Variants in SULF1 observed in about 807,000 individuals in gnomAD.
The protein encoded by SULF1 is extracellular sulfatase Sulf-1.
A neutral mutation model predicts 110.5 loss-of-function variants in SULF1; 46 were observed. That is an observed-to-expected ratio of 0.42 (90% CI 0.33 to 0.53). SULF1 has a LOEUF of 0.53. SULF1 is among the 20% of genes least tolerant of loss of function. SULF1 has a pLI of 0.12. For synonymous variants in SULF1, 371 were observed against 387.1 expected, an observed-to-expected ratio of 0.96 and a Z score of 0.49; for missense variants, 941 against 1,094.2, an observed-to-expected ratio of 0.86 and a Z score of 1.98.
At chr8:69,486,314 G>T (rs1021708099) in intron 1 of SULF1, among the ~76,000 whole-genome samples, 1 of 112,210 alleles carries the variant, frequency 8.9e-6, no homozygotes, top group African/African-American at 5.3e-5. Context: ...AAGAAACCAG[G>T]CTTTTTTTAA....
At chr8:69,608,467 G>C (rs1265565787) in intron 13 of SULF1, among the ~76,000 whole-genome samples, 2 of 152,138 alleles carry the variant, frequency 1.3e-5, no homozygotes, top group Non-Finnish European at 2.9e-5. Flanking sequence ...ATCATCTGAG[G>C]TCAGGAGTTT....
intron 2 of SULF1, among the ~76,000 whole-genome samples, chr8:69,497,156 T>TC (rs1491128674): frequency 1.0e-4 from 1 of 9,736 alleles, no homozygotes; most frequent in Non-Finnish European, 3.2e-4. Flanking sequence ...TTCTTTTCTC[T>TC]TTTTTTTTTT....
At position 69,498,113 on chromosome 8, in the gene SULF1, C is replaced by CCACACACA. The variant is rs71257190; in HGVS notation, c.-229+2215_-229+2222dup. ...TCTCTCTCTCTGTCTCTCTCTCTCTCCACACACACACACACACACACACAC... is the reference window on the plus strand; with the variant it reads ...TCTCTCTCTCTGTCTCTCTCTCTCTCCACACACACACACACACACACACACACACACAC... On this transcript the variant is annotated intron_variant, in intron 2 of 22. Transcript: ENST00000402687. Among the ~76,000 whole-genome samples the CCACACACA allele has an allele frequency of 4.1e-3, 615 of 148,714 alleles. 2 individuals carry two copies. Among genetic ancestry groups the CCACACACA allele is most frequent in the African/African-American group, 0.014 (578 of 40,242 alleles).
intron 3 of SULF1, among the ~76,000 whole-genome samples, chr8:69,562,538 A>T (rs1390469453): frequency 6.6e-6 from 1 of 152,150 alleles, no homozygotes; most frequent in Non-Finnish European, 1.5e-5. Context: ...CCCTCATGAC[A>T]TATGAGAGGA....
intron 19 of SULF1, among the ~76,000 whole-genome samples, chr8:69,634,151 G>A (rs1586601883): frequency 6.6e-6 from 1 of 152,036 alleles, no homozygotes; most frequent in Non-Finnish European, 1.5e-5. Context: ...GATCTAATCT[G>A]GTTCATTCAA....
Position 69,570,382 on chromosome 8 carries a change from A to G in SULF1, c.173-5588A>G, listed in dbSNP as rs114719888. On this transcript the variant is annotated intron_variant, in intron 5 of 22. Transcript: ENST00000402687. ...AAATTTTTAATGTTTAGTAATACAAAATACTGTATACTCAAATGCTAAGAT... is the reference window on the plus strand; with the variant it reads ...AAATTTTTAATGTTTAGTAATACAAGATACTGTATACTCAAATGCTAAGAT... Among the ~76,000 whole-genome samples the G allele has an allele frequency of 2.6e-3, 403 of 152,342 alleles. 3 individuals are homozygous for G. The highest frequency in any genetic ancestry group is 9.2e-3 in the African/African-American group (383 of 41,566).
chr8:69,599,503 G>C (rs1366318019), intron 8 of SULF1, among the ~76,000 whole-genome samples: 1 of 152,130 alleles, frequency 6.6e-6, no homozygotes, highest in Non-Finnish European at 1.5e-5. Flanking sequence ...GCCAAGGCTT[G>C]ATTTTCTCTG....
At chr8:69,537,267 C>G (rs908822327) in intron 3 of SULF1, among the ~76,000 whole-genome samples, 2 of 152,148 alleles carry the variant, frequency 1.3e-5, no homozygotes, top group South Asian at 2.1e-4. Context: ...ATCTGGTACA[C>G]AGTAGGGCCT....
intron 1 of SULF1, chr8:69,473,344 C>T (rs1809171120): frequency 6.6e-6 from 1 of 152,168 alleles, no homozygotes; most frequent in Non-Finnish European, 1.5e-5. Context: ...AATACTAAAT[C>T]TCTGTGCGGA....
intron 22 of SULF1, among the ~76,000 whole-genome samples, chr8:69,649,616 A>T (rs1812177240): frequency 6.6e-6 from 1 of 152,144 alleles, no homozygotes; most frequent in Non-Finnish European, 1.5e-5. Context: ...ATTATCAGTC[A>T]TGATATTTTA....
intron 13 of SULF1, among the ~76,000 whole-genome samples, chr8:69,619,961 G>A (rs1333242625): frequency 2.0e-5 from 3 of 152,186 alleles, no homozygotes; most frequent in Non-Finnish European, 4.4e-5. Flanking sequence ...AGGGTAGAGG[G>A]CCAATATGAC....
At chr8:69,569,364 A>G (rs1403454675) in intron 5 of SULF1, among the ~76,000 whole-genome samples, 4 of 152,202 alleles carry the variant, frequency 2.6e-5, no homozygotes, top group Non-Finnish European at 5.9e-5. Flanking sequence ...TAAAATATAT[A>G]TAACATATAA....
At position 69,604,799 on chromosome 8, in the gene SULF1, G is replaced by A. The variant is rs369858601; in HGVS notation, c.1248-4G>A. 111 of 1,612,916 alleles carry A rather than the reference G, an allele frequency of 6.9e-5. No homozygotes were observed. The highest frequency in any genetic ancestry group is 4.9e-4 in the East Asian group (22 of 44,830). ...TGTACGAAGCTTTTCCCTTTTTGTC[G>A]AAGCAAATTTCTACGTAAGAAGGAA... On this transcript the variant is annotated splice_polypyrimidine_tract_variant and splice_region_variant and intron_variant, in intron 12 of 22. Transcript: ENST00000402687.
intron 6 of SULF1, among the ~76,000 whole-genome samples, chr8:69,583,922 A>T (rs1446118202): frequency 1.3e-5 from 2 of 152,216 alleles, no homozygotes; most frequent in Non-Finnish European, 2.9e-5. Flanking sequence ...AGAGGCAAAT[A>T]AAGAGAATTG....
chr8:69,538,802 C>T (rs920407175), intron 3 of SULF1, among the ~76,000 whole-genome samples: 2 of 152,092 alleles, frequency 1.3e-5, no homozygotes, highest in African/African-American at 2.4e-5. Flanking sequence ...AAGCAATTCT[C>T]CTACCTCAGC....
chr8:69,543,443 A>T (rs2150673936), intron 3 of SULF1, among the ~76,000 whole-genome samples: 1 of 150,398 alleles, frequency 6.6e-6, no homozygotes, highest in Non-Finnish European at 1.5e-5. Flanking sequence ...CTCATTGCTC[A>T]GCTCCCACTT....
At position 69,637,299 on chromosome 8, in the gene SULF1, C is replaced by T. The variant is rs1811131719; in HGVS notation, c.2285-1203C>T. ...ACCACTACACTCCTCATCTTCAGGG[C>T]TTTCATCTCCTTTGCAAAACTTGTT... On this transcript the variant is annotated intron_variant, in intron 19 of 22. Coordinates refer to ENST00000402687, the MANE Select transcript of SULF1 (RefSeq NM_001128205.2). Among the ~76,000 whole-genome samples, 3 of 152,200 alleles carry T rather than the reference C, an allele frequency of 2.0e-5. No homozygotes were observed. The South Asian group carries it at 6.2e-4, about 31-fold the overall frequency.
chr8:69,473,578 G>A (rs1172133169), intron 1 of SULF1, among the ~76,000 whole-genome samples: 1 of 152,190 alleles, frequency 6.6e-6, no homozygotes, highest in African/African-American at 2.4e-5. Flanking sequence ...ATCAATTCAT[G>A]AGCAAGCCTA....
Position 69,657,123 on chromosome 8 carries a change from T to A in SULF1, c.2586-1382T>A, listed in dbSNP as rs551442011. Among the ~76,000 whole-genome samples the A allele has an allele frequency of 1.2e-4, 19 of 152,382 alleles. No individual in the cohort carries two copies. In the South Asian group the frequency reaches 3.9e-3, roughly 32 times the overall value. Reference sequence around the variant, plus strand: ...TTTATACTATTTACAACCCTCCTGGTTTAAGAGAATTCTTTTCTGTGAGTG... The same window carrying A: ...TTTATACTATTTACAACCCTCCTGGATTAAGAGAATTCTTTTCTGTGAGTG... On this transcript the variant is annotated intron_variant, in intron 22 of 22. Coordinates refer to ENST00000402687, the MANE Select transcript of SULF1 (RefSeq NM_001128205.2).
Sources: gnomAD v4.1 joint callset for allele counts (sites outside exome capture counted in the v4.1 genomes callset) on GRCh38, gnomAD v4.1.1 for gene constraint, MANE v1.5 for transcripts, NCBI Gene and HGNC (gene_info 2026-07-23, HGNC 2026-07-21) for gene names.